Variants in HACD2 observed in about 807,000 individuals in gnomAD.
HACD2 encodes 3-hydroxyacyl-CoA dehydratase 2, also known as very-long-chain (3R)-3-hydroxyacyl-CoA dehydratase 2.
HACD2 carries 15 observed loss-of-function variants against 31.0 expected under a neutral mutation model. The ratio of observed to expected loss-of-function variants is 0.48; its 90% CI spans 0.32 to 0.75. The LOEUF is 0.75. Among genes scored for constraint, HACD2 ranks in the 30% least tolerant of loss-of-function variants. The pLI is 0.03. For synonymous variants in HACD2, 115 were observed against 122.2 expected (o/e 0.94, Z 0.39); for missense variants, 283 against 313.0 (o/e 0.90, Z 0.72).
In HACD2 at chr3:123,494,290, T is replaced by C. The variant is rs1340835609; in HGVS notation, c.*598A>G. ...AACAAACAAAAGGGTTCTAAGTTGT[T>C]TTCTGATTACAGGCACTACCCCGAA... On this transcript the variant is annotated 3_prime_UTR_variant, in exon 7 of 7. Coordinates refer to ENST00000383657, the MANE Select transcript of HACD2 (RefSeq NM_198402.5). 6.5e-6 allele frequency: 1 copy of C among 152,958 alleles called. No individual in the cohort carries two copies. Among genetic ancestry groups the C allele is most frequent in the Non-Finnish European group, 1.5e-5 (1 of 68,642 alleles). The allele number at this position is 152,958 out of a possible 1,614,324, so 9.5% of individuals were successfully genotyped here.
chr3:123,527,983 G>A (rs2056305920), intron 4 of HACD2, among the ~76,000 whole-genome samples: 1 of 152,218 alleles, frequency 6.6e-6, no homozygotes, highest in Non-Finnish European at 1.5e-5. Flanking sequence ...CTTGGGTCAG[G>A]TGTGGTGGCT....
intron 4 of HACD2, among the ~76,000 whole-genome samples, chr3:123,503,262 C>CA (rs113416649): frequency 0.2 from 17,585 of 88,816 alleles, 1,491 homozygotes; most frequent in African/African-American, 0.33. Context: ...GAGACTGTCT[C>CA]AAAAAAAAAA....
At chr3:123,581,262 A>G (rs1030229618) in intron 2 of HACD2, among the ~76,000 whole-genome samples, 5 of 152,214 alleles carry the variant, frequency 3.3e-5, no homozygotes, top group Non-Finnish European at 5.9e-5. Context: ...TTTTCACCAT[A>G]ATGAAATATA....
chr3:123,512,519 C>G (rs549911982), intron 4 of HACD2, among the ~76,000 whole-genome samples: 59 of 152,222 alleles, frequency 3.9e-4, no homozygotes, highest in Admixed American at 1.6e-3. Context: ...TGGGCTAACA[C>G]AGGTATGAAC....
In HACD2 at chr3:123,495,122, A is replaced by G. The variant is rs75924390; in HGVS notation, c.683-152T>C. ...ACAAAGTGGGCTTGGGGAAAGGAAG[A>G]AAAAACACAGAGAGACTTACCTCCT... On this transcript the variant is annotated intron_variant, in intron 6 of 6. Transcript: ENST00000383657. 2.1e-3 allele frequency among the ~76,000 whole-genome samples: 313 copies of G among 152,354 alleles called. 5 individuals carry two copies. In the East Asian group the frequency reaches 0.03, roughly 15 times the overall value.
At chr3:123,533,187 T>C (rs1382480627) in intron 3 of HACD2, among the ~76,000 whole-genome samples, 1 of 152,208 alleles carries the variant, frequency 6.6e-6, no homozygotes, top group Non-Finnish European at 1.5e-5. Context: ...CTCACTCTGT[T>C]GCTCAGACTA....
chr3:123,518,551 A>T (rs9827012), intron 4 of HACD2, among the ~76,000 whole-genome samples: 5,218 of 152,318 alleles, frequency 0.034, 91 homozygotes, highest in Middle Eastern at 0.088. Context: ...TAAAAGTCTG[A>T]TTAGTTTTTA....
In HACD2 at chr3:123,492,212, C is replaced by T. The variant is rs1475945001; in HGVS notation, c.*2676G>A. On this transcript the variant is annotated 3_prime_UTR_variant, in exon 7 of 7. Transcript: ENST00000383657. ...GCAGTCTGTGCTGACAAAAGCACTA[C>T]TGCGGACCTCAAAGAATTCTCTGTC... 1 of 152,244 alleles carries T rather than the reference C, an allele frequency of 6.6e-6. No homozygotes were observed. Among genetic ancestry groups the T allele is most frequent in the African/African-American group, 2.4e-5 (1 of 41,448 alleles). 9.4% of individuals were successfully genotyped at this position (152,244 alleles called of 1,614,324 possible). A position where few individuals can be genotyped will look rare whatever the true frequency, so the allele number is the denominator to read the frequency against.
intron 4 of HACD2, among the ~76,000 whole-genome samples, chr3:123,523,615 G>C (rs13315313): frequency 2.0e-5 from 3 of 152,160 alleles, no homozygotes; most frequent in African/African-American, 7.2e-5. Context: ...CCACATTCTA[G>C]AATACTGAGT....
Position 123,492,277 on chromosome 3 carries a change from A to T in HACD2, c.*2611T>A, listed in dbSNP as rs140942785. ...ACGGAGGGATCTGAAATACATAATC[A>T]AGTGGGTAGTTGGGAGGATGATGCC... On this transcript the variant is annotated 3_prime_UTR_variant, in exon 7 of 7. Transcript: ENST00000383657. The T allele has an allele frequency of 6.6e-6, 1 of 152,220 alleles. No homozygotes were observed. The highest frequency in any genetic ancestry group is 2.4e-5 in the African/African-American group (1 of 41,456). The allele number at this position is 152,220 out of a possible 1,614,324, so 9.4% of individuals were successfully genotyped here. A position where few individuals can be genotyped will look rare whatever the true frequency, so the allele number is the denominator to read the frequency against.
rs1397438083 is a variant in HACD2, at chr3:123,577,722, G to A, written c.273+4490C>T. 2.6e-5 allele frequency among the ~76,000 whole-genome samples: 4 copies of A among 151,800 alleles called. No homozygotes were observed. The East Asian group carries it at 7.7e-4, about 29-fold the overall frequency. ...ATTCTCTCAAACATAATTTTAAACT[G>A]CCATAACTGCATTAGTCCACTAATT... On this transcript the variant is annotated intron_variant, in intron 2 of 6. Coordinates refer to ENST00000383657, the MANE Select transcript of HACD2 (RefSeq NM_198402.5).
chr3:123,575,045 C>T (rs936462657), intron 2 of HACD2, among the ~76,000 whole-genome samples: 3 of 151,936 alleles, frequency 2.0e-5, no homozygotes, highest in African/African-American at 7.3e-5. Flanking sequence ...GGTCTAAAGG[C>T]TTATACTGTG....
chr3:123,569,849 C>T (rs1427135266), intron 2 of HACD2, among the ~76,000 whole-genome samples: 1 of 151,846 alleles, frequency 6.6e-6, no homozygotes, highest in Non-Finnish European at 1.5e-5. Flanking sequence ...ATTAGCTGGG[C>T]ATAGTGGCGC....
intron 4 of HACD2, among the ~76,000 whole-genome samples, chr3:123,504,439 A>G (rs1287663148): frequency 2.6e-5 from 4 of 152,170 alleles, no homozygotes; most frequent in African/African-American, 9.7e-5. Flanking sequence ...GGAGCAAATG[A>G]ATTCAGTCCT....
At chr3:123,561,150 G>T (rs769807551) in intron 3 of HACD2, among the ~76,000 whole-genome samples, 22 of 152,176 alleles carry the variant, frequency 1.4e-4, no homozygotes, top group Non-Finnish European at 2.8e-4. Context: ...GGGCTGGAAA[G>T]ATTTTTTTGG....
chr3:123,562,181 T>C (rs910521554), intron 3 of HACD2, among the ~76,000 whole-genome samples: 1 of 152,216 alleles, frequency 6.6e-6, no homozygotes, highest in Non-Finnish European at 1.5e-5. Flanking sequence ...AAATCTTAGA[T>C]TGAGGGCTGC....
intron 3 of HACD2, among the ~76,000 whole-genome samples, chr3:123,528,977 A>T (rs1576753246): frequency 6.7e-6 from 1 of 149,820 alleles, no homozygotes; most frequent in African/African-American, 2.4e-5. Flanking sequence ...GCCAACAAGC[A>T]TAACAACATA....
intron 4 of HACD2, among the ~76,000 whole-genome samples, chr3:123,517,276 T>C (rs184394856): frequency 1.1e-3 from 171 of 152,344 alleles, no homozygotes; most frequent in African/African-American, 3.0e-3. Context: ...TTAACATATG[T>C]CTACCAACTC....
At position 123,521,449 on chromosome 3, in the gene HACD2, C is replaced by T. The variant is rs75225866; in HGVS notation, c.381+6937G>A. 2.0e-3 allele frequency among the ~76,000 whole-genome samples: 307 copies of T among 152,192 alleles called. 4 individuals are homozygous for T. Among genetic ancestry groups the T allele is most frequent in the East Asian group, 0.017 (90 of 5,172 alleles). ...CCGTAGGATATTTTTCTCTGGGGCT[C>T]CTAGGTCAGGACCTGGCCCTTCCTC... On this transcript the variant is annotated intron_variant, in intron 4 of 6. Transcript: ENST00000383657.
Sources: gnomAD v4.1 joint callset for allele counts (sites outside exome capture counted in the v4.1 genomes callset) on GRCh38, gnomAD v4.1.1 for gene constraint, MANE v1.5 for transcripts, NCBI Gene and HGNC (gene_info 2026-07-23, HGNC 2026-07-21) for gene names.